The following POLN variants were observed in gnomAD, a reference collection of about 807,000 sequenced individuals.
POLN encodes the protein DNA polymerase N.
POLN carries 108 observed loss-of-function variants against 113.5 expected under a neutral mutation model. The observed-to-expected ratio is 0.95, with a 90% CI of 0.81 to 1.12. The LOEUF (loss-of-function observed/expected upper bound fraction) is 1.12, where lower values mean the gene tolerates loss of function less well. POLN is among the 50% of genes most tolerant of loss of function. The pLI is 0.00. For missense variants in POLN, 1,097 were observed against 1,077.1 expected, an observed-to-expected ratio of 1.02 and a Z score of -0.26; for synonymous variants, 386 against 391.5, an observed-to-expected ratio of 0.99 and a Z score of 0.17.
chr4:2,238,950 T>C lies in POLN; in HGVS notation c.-13+2570A>G, dbSNP rs181187875. On this transcript the variant is annotated intron_variant, in intron 2 of 25. Transcript: ENST00000511885. ...TTCTCTCTTACCACAGCAGGTAAAC[T>C]TCTGTCTTTTATTTGAGTGACCTCT... The C allele has an allele frequency of 3.2e-5, 51 of 1,602,352 alleles. 1 individual carries two copies. The Admixed American group carries it at 7.0e-4, about 22-fold the overall frequency.
chr4:2,085,372 GC>G (rs1307093652), intron 21 of POLN, among the ~76,000 whole-genome samples: 1 of 152,012 alleles, frequency 6.6e-6, no homozygotes, highest in Non-Finnish European at 1.5e-5. Flanking sequence ...TTACCTATCT[GC>G]CCATCCACCA....
chr4:2,241,750 C>A lies in POLN; in HGVS notation c.-243G>T. The A allele has an allele frequency of 1.0e-6, 1 of 985,494 alleles. No homozygotes were observed. The highest frequency in any genetic ancestry group is 1.2e-6 in the Non-Finnish European group (1 of 829,952). 61.0% of individuals were successfully genotyped at this position (985,494 alleles called of 1,614,324 possible). On this transcript the variant is annotated 5_prime_UTR_variant, in exon 2 of 26. Transcript: ENST00000511885. The stretch of plus-strand genomic sequence containing the variant: ...TACACCAGACGCGCCAGCGGCAAAA[C>A]CTTCCTTCGGAGGGTCACCCAGCTG...
intron 16 of POLN, among the ~76,000 whole-genome samples, chr4:2,152,026 C>T (rs1316950304): frequency 6.6e-6 from 1 of 150,552 alleles, no homozygotes; most frequent in African/African-American, 2.4e-5. Context: ...TTTCTTTTTT[C>T]TTTCTTTCTT....
At chr4:2,190,742 T>C (rs946253684) in intron 7 of POLN, among the ~76,000 whole-genome samples, 2 of 152,076 alleles carry the variant, frequency 1.3e-5, no homozygotes, top group African/African-American at 4.8e-5. Context: ...AAAGAAGATA[T>C]ACAAAAGGCC....
At chr4:2,114,816 C>T (rs559572661) in intron 19 of POLN, among the ~76,000 whole-genome samples, 123 of 152,048 alleles carry the variant, frequency 8.1e-4, no homozygotes, top group African/African-American at 2.9e-3. Context: ...TCATACCTTC[C>T]AATATTTCTT....
At chr4:2,161,129 C>T (rs1346370698) in intron 13 of POLN, among the ~76,000 whole-genome samples, 5 of 152,238 alleles carry the variant, frequency 3.3e-5, no homozygotes, top group Admixed American at 2.6e-4. Context: ...AGCCCTCCCT[C>T]GCTCTCGGCG....
Position 2,110,315 on chromosome 4 carries a change from T to C in POLN, c.1983-14382A>G, listed in dbSNP as rs1180106618. Reference sequence around the variant, plus strand: ...AAGATCTAAAACTGACACCCTAACATCACAATTAAAAGAACTAGAGAAGCA... The same window carrying C: ...AAGATCTAAAACTGACACCCTAACACCACAATTAAAAGAACTAGAGAAGCA... On this transcript the variant is annotated intron_variant, in intron 19 of 25. Coordinates refer to ENST00000511885, the MANE Select transcript of POLN (RefSeq NM_181808.4). Among the ~76,000 whole-genome samples the C allele has an allele frequency of 3.3e-5, 5 of 151,794 alleles. No homozygotes were observed. The South Asian group carries it at 1.0e-3, about 32-fold the overall frequency.
At chr4:2,192,131 A>AAG (rs1469860175) in intron 7 of POLN, among the ~76,000 whole-genome samples, 1 of 151,856 alleles carries the variant, frequency 6.6e-6, no homozygotes, top group Non-Finnish European at 1.5e-5. Flanking sequence ...AAAAAAAAAA[A>AAG]AAAATTGGCT....
At chr4:2,197,026 G>T (rs1255304918) in intron 6 of POLN, among the ~76,000 whole-genome samples, 1 of 152,198 alleles carries the variant, frequency 6.6e-6, no homozygotes, top group Non-Finnish European at 1.5e-5. Context: ...CAGCGGAGGG[G>T]CCAGAGTAAG....
At position 2,123,934 on chromosome 4, in the gene POLN, A is replaced by G. The variant is rs561047188; in HGVS notation, c.1982+4179T>C. Among the ~76,000 whole-genome samples the G allele has an allele frequency of 2.0e-5, 3 of 152,204 alleles. No individual in the cohort carries two copies. The South Asian group carries it at 6.2e-4, about 31-fold the overall frequency. On this transcript the variant is annotated intron_variant, in intron 19 of 25. Coordinates refer to ENST00000511885, the MANE Select transcript of POLN (RefSeq NM_181808.4). ...ATCAAAGGACATTTGATGAATAGAT[A>G]AATACACGGATTATTTGCTTATTTA... is the stretch of plus-strand genomic sequence containing the variant.
intron 16 of POLN, among the ~76,000 whole-genome samples, chr4:2,154,551 T>G (rs1459135457): frequency 6.6e-6 from 1 of 152,160 alleles, no homozygotes; most frequent in Non-Finnish European, 1.5e-5. Context: ...ACATACTATG[T>G]GGTGGGAATG....
chr4:2,104,602 A>G (rs3117820), intron 19 of POLN, among the ~76,000 whole-genome samples: 127,948 of 152,160 alleles, frequency 0.84, 54,385 homozygotes, highest in Non-Finnish European at 0.9. Context: ...CACAACCCTG[A>G]AGCCCTTAAC....
At chr4:2,159,792 T>C (rs1454756858) in intron 13 of POLN, among the ~76,000 whole-genome samples, 1 of 152,194 alleles carries the variant, frequency 6.6e-6, no homozygotes, top group Admixed American at 6.5e-5. Context: ...TCCAATATCA[T>C]TTTTTGGGGT....
intron 19 of POLN, among the ~76,000 whole-genome samples, chr4:2,101,898 T>A (rs938755498): frequency 2.6e-5 from 4 of 152,176 alleles, no homozygotes; most frequent in Non-Finnish European, 4.4e-5. Context: ...GGGGCTCTTA[T>A]GCCCCAGGGC....
At chr4:2,081,209 C>T in intron 22 of POLN, 173 bp from the exon 23 acceptor site, 2 of 1,560,060 alleles carry the variant, frequency 1.3e-6, no homozygotes, top group Non-Finnish European at 1.7e-6. Context: ...GTCCTTGCTC[C>T]TCCCGCCCTC....
At chr4:2,234,948 C>T (rs1161283855) in intron 2 of POLN, among the ~76,000 whole-genome samples, 7 of 152,266 alleles carry the variant, frequency 4.6e-5, no homozygotes, top group African/African-American at 9.6e-5. Context: ...TGCAGTGGCG[C>T]GATCTTGACT....
At chr4:2,223,399 G>T (rs1313122789) in intron 3 of POLN, among the ~76,000 whole-genome samples, 1 of 152,186 alleles carries the variant, frequency 6.6e-6, no homozygotes, top group Non-Finnish European at 1.5e-5. Flanking sequence ...ATAGGAGCAA[G>T]AACTGTACTG....
intron 7 of POLN, among the ~76,000 whole-genome samples, chr4:2,191,472 T>C (rs1181703713): frequency 6.6e-6 from 1 of 152,114 alleles, no homozygotes. Context: ...TATTTCAAAA[T>C]AGCTAGTAAA....
intron 21 of POLN, among the ~76,000 whole-genome samples, chr4:2,083,703 G>A (rs1730484352): frequency 6.6e-6 from 1 of 152,222 alleles, no homozygotes; most frequent in Non-Finnish European, 1.5e-5. Flanking sequence ...ATGGCTAGCA[G>A]CACACCACAC....
Sources: gnomAD v4.1 joint callset for allele counts (sites outside exome capture counted in the v4.1 genomes callset) on GRCh38, gnomAD v4.1.1 for gene constraint, MANE v1.5 for transcripts, NCBI Gene and HGNC (gene_info 2026-07-23, HGNC 2026-07-21) for gene names.